SACS: variants seen among roughly 807,000 people sequenced by gnomAD.
The protein encoded by SACS is sacsin molecular chaperone.
Under a neutral mutation model 348.0 loss-of-function variants are expected in SACS, and 197 were observed. The ratio of observed to expected loss-of-function variants is 0.57; its 90% CI spans 0.50 to 0.64. The LOEUF is 0.64. Among genes scored for constraint, SACS ranks in the 30% least tolerant of loss-of-function variants. The pLI, the probability that SACS is intolerant of heterozygous loss-of-function variation, is 0.00. For synonymous variants in SACS, 1,985 were observed against 1,910.6 expected, an observed-to-expected ratio of 1.04 and a Z score of -1.02; for missense variants, 4,999 against 5,360.8, an observed-to-expected ratio of 0.93 and a Z score of 2.11.
At position 23,333,046 on chromosome 13, in the gene SACS, C is replaced by T. The variant is rs2137571629; in HGVS notation, c.10830G>A (p.Arg3610=). ...CTTTGGACCAGTTTTCTGTATTAGC[C>T]CTCACACTGATTTCCTTAGCAAACT... is the stretch of plus-strand genomic sequence containing the variant. ...LLQFAKEISV[R]ANTENWSKET... Residue 3610 remains arginine, a synonymous_variant, in exon 10 of 10, where the codon AGG becomes AGA. Coordinates refer to ENST00000382292, the MANE Select transcript of SACS (RefSeq NM_014363.6). 6.2e-7 allele frequency: 1 copy of T among 1,613,886 alleles called. No homozygotes were observed. Among genetic ancestry groups the T allele is most frequent in the Non-Finnish European group, 8.5e-7 (1 of 1,179,896 alleles).
intron 2 of SACS, among the ~76,000 whole-genome samples, chr13:23,390,544 G>A (rs1210040788): frequency 6.6e-6 from 1 of 152,076 alleles, no homozygotes; most frequent in Non-Finnish European, 1.5e-5. Flanking sequence ...TTTAGTGTGT[G>A]GGGGCACACA....
chr13:23,366,316 A>G (rs1289465433), intron 5 of SACS, among the ~76,000 whole-genome samples: 1 of 152,234 alleles, frequency 6.6e-6, no homozygotes, highest in Non-Finnish European at 1.5e-5. Flanking sequence ...CAGTTCACCC[A>G]GTGCATCCCA....
chr13:23,330,011 C>T lies in SACS; in HGVS notation c.*125G>A, dbSNP rs573496900. 5.6e-5 allele frequency: 49 copies of T among 878,194 alleles called. No individual in the cohort carries two copies. The highest frequency in any genetic ancestry group is 8.4e-5 in the Non-Finnish European group (47 of 558,900). The allele number at this position is 878,194 out of a possible 1,614,324, so 54.4% of individuals were successfully genotyped here. A position where few individuals can be genotyped will look rare whatever the true frequency, so the allele number is the denominator to read the frequency against. On this transcript the variant is annotated 3_prime_UTR_variant, in exon 10 of 10. Transcript: ENST00000382292. ...TCATGTTCATAACAACTCCAGAATTCTCCAAGAACAATCTGCAATGTGCTT... is the reference window on the plus strand; with the variant it reads ...TCATGTTCATAACAACTCCAGAATTTTCCAAGAACAATCTGCAATGTGCTT...
At chr13:23,400,529 T>C (rs1872922760) in intron 2 of SACS, among the ~76,000 whole-genome samples, 1 of 152,202 alleles carries the variant, frequency 6.6e-6, no homozygotes, top group South Asian at 2.1e-4. Flanking sequence ...CATGCCATTC[T>C]CCTGCCTCAG....
In SACS at chr13:23,375,248, G is replaced by C. The variant is rs2137841455; in HGVS notation, c.42C>G (p.Leu14=). 8.8e-6 allele frequency: 13 copies of C among 1,479,872 alleles called. No individual in the cohort carries two copies. Among genetic ancestry groups the C allele is most frequent in the Non-Finnish European group, 1.2e-5 (13 of 1,112,576 alleles). 91.7% of individuals were successfully genotyped at this position (1,479,872 alleles called of 1,614,324 possible). Residue 14 remains leucine (L), a synonymous_variant, in exon 3 of 10, where the codon CTC becomes CTG. Transcript: ENST00000382292. The stretch of plus-strand genomic sequence containing the variant: ...CGGTCCTGCAGCCCACGCAGCCGGG[G>C]AGCACGGTCACCGGGACCCACCTGT... ...KENRWVPVTV[L]PGCVGCRTVA... is the part of the protein sequence containing the mutation.
chr13:23,410,128 C>A (rs1873420830), intron 2 of SACS, among the ~76,000 whole-genome samples: 1 of 152,062 alleles, frequency 6.6e-6, no homozygotes, highest in Admixed American at 6.5e-5. Context: ...AAAAAATGTA[C>A]AGAAATACTG....
At chr13:23,389,747 G>A (rs562558431) in intron 2 of SACS, among the ~76,000 whole-genome samples, 1 of 152,170 alleles carries the variant, frequency 6.6e-6, no homozygotes, top group Non-Finnish European at 1.5e-5. Flanking sequence ...AAATTACAAT[G>A]TCTAAAATCT....
intron 6 of SACS, among the ~76,000 whole-genome samples, chr13:23,364,720 T>C (rs978053924): frequency 6.6e-5 from 10 of 152,224 alleles, no homozygotes; most frequent in African/African-American, 2.4e-4. Flanking sequence ...CATGTTTCCT[T>C]TCATTTTCCT....
intron 1 of SACS, among the ~76,000 whole-genome samples, chr13:23,412,214 G>A (rs1050738673): frequency 6.6e-6 from 1 of 151,998 alleles, no homozygotes; most frequent in Non-Finnish European, 1.5e-5. Flanking sequence ...AGCCAAGATC[G>A]CGCCACTGCA....
intron 2 of SACS, among the ~76,000 whole-genome samples, chr13:23,405,104 A>G (rs1873148999): frequency 6.6e-6 from 1 of 152,194 alleles, no homozygotes; most frequent in South Asian, 2.1e-4. Context: ...ATAAGCCAAG[A>G]TAATCTTAAG....
chr13:23,375,426 A>G (rs1002865033), intron 2 of SACS, 157 bp from the exon 3 acceptor site: 2 of 1,197,770 alleles, frequency 1.7e-6, no homozygotes, highest in Admixed American at 4.5e-5. Flanking sequence ...GGCCGGCCCT[A>G]CCGCGTCCAC....
At chr13:23,352,960 A>G (rs1270057314) in intron 9 of SACS, among the ~76,000 whole-genome samples, 2 of 152,208 alleles carry the variant, frequency 1.3e-5, no homozygotes, top group Non-Finnish European at 2.9e-5. Context: ...ATTATCCTGG[A>G]CAAGAAAAAA....
chr13:23,371,213 T>G, intron 3 of SACS, 48 bp from the exon 4 acceptor site: 2 of 1,136,790 alleles, frequency 1.8e-6, no homozygotes, highest in Non-Finnish European at 2.5e-6. Flanking sequence ...CAGTCTCTAA[T>G]ACTGTAAATT....
chr13:23,432,037 AT>A (rs1874451831), intron 1 of SACS, among the ~76,000 whole-genome samples: 2 of 152,236 alleles, frequency 1.3e-5, no homozygotes, highest in Admixed American at 6.5e-5. Context: ...CATTAAGTGA[AT>A]AATTGTGTCA....
chr13:23,341,301 T>A lies in SACS; in HGVS notation c.2575A>T (p.Ile859Leu). The A allele has an allele frequency of 1.2e-6, 2 of 1,608,280 alleles. No homozygotes were observed. The highest frequency in any genetic ancestry group is 1.7e-6 in the Non-Finnish European group (2 of 1,176,694). ...GFVLKKLDAS[I>L]QHPLIKKYIH... Reference sequence around the variant, plus strand: ...TATTTTTTAATAAGCGGATGTTGTATAGATGCATCTAATTTTTTAAGGACA... The same window carrying A: ...TATTTTTTAATAAGCGGATGTTGTAAAGATGCATCTAATTTTTTAAGGACA... The change falls in exon 10 of 10, where the codon ATA (isoleucine) becomes TTA (leucine). Residue 859 changes from isoleucine to leucine, a missense_variant. Physicochemically the swap from Ile to Leu is conservative, Grantham distance 5. Coordinates refer to ENST00000382292, the MANE Select transcript of SACS (RefSeq NM_014363.6).
rs139956143 is a variant in SACS at position 23,329,028 on chromosome 13, C to T, written c.*1108G>A. 8.4e-4 allele frequency: 138 copies of T among 164,070 alleles called. No homozygotes were observed. Among genetic ancestry groups the T allele is most frequent in the African/African-American group, 3.2e-3 (133 of 41,804 alleles). 10.2% of individuals were successfully genotyped at this position (164,070 alleles called of 1,614,324 possible). On this transcript the variant is annotated 3_prime_UTR_variant, in exon 10 of 10. Coordinates refer to ENST00000382292, the MANE Select transcript of SACS (RefSeq NM_014363.6). ...TATTTAGCATCATTTACAGCCAGTA[C>T]ACTTATATAAACTAATTATCATTAC...
At chr13:23,421,128 C>T (rs78030244) in intron 1 of SACS, among the ~76,000 whole-genome samples, 4,230 of 151,986 alleles carry the variant, frequency 0.028, 87 homozygotes, top group African/African-American at 0.051. Flanking sequence ...GCCTTGTGTC[C>T]GCCTGGGCCC....
rs994425261 is a variant in SACS, at chr13:23,333,096, T to C, written c.10780A>G (p.Ile3594Val). ...EFLRNIGLKY[I>V]LSQQQLLQFA... ...TGTAACAACTGCTGCTGAGAAAGTATGTATTTTAGTCCAATATTTCTTAAG... is the reference window on the plus strand; with the variant it reads ...TGTAACAACTGCTGCTGAGAAAGTACGTATTTTAGTCCAATATTTCTTAAG... The change falls in exon 10 of 10, where the codon ATA becomes GTA. Residue 3594 changes from isoleucine to valine, a missense_variant. Coordinates refer to ENST00000382292, the MANE Select transcript of SACS (RefSeq NM_014363.6). The C allele has an allele frequency of 1.4e-5, 22 of 1,613,836 alleles. No individual in the cohort carries two copies. The highest frequency in any genetic ancestry group is 1.8e-5 in the Non-Finnish European group (21 of 1,179,798).
chr13:23,399,612 AG>A (rs1417212334), intron 2 of SACS, among the ~76,000 whole-genome samples: 3 of 152,192 alleles, frequency 2.0e-5, no homozygotes, highest in East Asian at 3.8e-4. Flanking sequence ...ACACAGAAGC[AG>A]GGACTAACCA....
Sources: gnomAD v4.1 joint callset for allele counts (sites outside exome capture counted in the v4.1 genomes callset) on GRCh38, gnomAD v4.1.1 for gene constraint, MANE v1.5 for transcripts, NCBI Gene and HGNC (gene_info 2026-07-23, HGNC 2026-07-21) for gene names.